The following KCMF1 variants were observed in gnomAD, a reference collection of about 807,000 sequenced individuals.
KCMF1 encodes the protein E3 ubiquitin-protein ligase KCMF1.
Under a neutral mutation model 41.1 loss-of-function variants are expected in KCMF1, and 3 were observed. The observed-to-expected ratio is 0.07, with a 90% CI of 0.03 to 0.19. The LOEUF is 0.19. Among genes scored for constraint, KCMF1 ranks in the 10% least tolerant of loss-of-function variants. KCMF1 has a pLI of 1.00. For missense variants in KCMF1, 286 were observed against 488.9 expected, an observed-to-expected ratio of 0.58 and a Z score of 3.91; for synonymous variants, 142 against 164.5, an observed-to-expected ratio of 0.86 and a Z score of 1.04.
intron 1 of KCMF1, among the ~76,000 whole-genome samples, chr2:84,992,534 CT>C (rs1221353256): frequency 6.6e-6 from 1 of 152,160 alleles, no homozygotes; most frequent in African/African-American, 2.4e-5. Flanking sequence ...TAGTAACCAT[CT>C]TCATTTTCTT....
rs1675969605 is a variant in KCMF1 at position 85,057,770 on chromosome 2, A to T, written c.*4361A>T. 1 of 152,196 alleles carries T rather than the reference A, an allele frequency of 6.6e-6. No individual in the cohort carries two copies. The highest frequency in any genetic ancestry group is 2.1e-4 in the South Asian group (1 of 4,832). 9.4% of individuals were successfully genotyped at this position (152,196 alleles called of 1,614,324 possible). A position where few individuals can be genotyped will look rare whatever the true frequency, so the allele number is the denominator to read the frequency against. On this transcript the variant is annotated 3_prime_UTR_variant, in exon 7 of 7. Coordinates refer to ENST00000409785, the MANE Select transcript of KCMF1 (RefSeq NM_020122.5). The stretch of plus-strand genomic sequence containing the variant: ...TGCAGCAGACCTCGAATAAAATGTG[A>T]CTTGATGTTTGTTGCCACTTCCTCA...
intron 3 of KCMF1, among the ~76,000 whole-genome samples, chr2:85,038,688 T>C (rs1316125881): frequency 6.6e-6 from 1 of 152,162 alleles, no homozygotes; most frequent in Non-Finnish European, 1.5e-5. Flanking sequence ...GCTTTAAATT[T>C]AGATGGCTCT....
intron 1 of KCMF1, among the ~76,000 whole-genome samples, chr2:85,002,062 A>G (rs371950782): frequency 1.3e-5 from 2 of 152,200 alleles, no homozygotes; most frequent in African/African-American, 2.4e-5. Context: ...TGACCTAACC[A>G]TGGTAGGCTT....
intron 3 of KCMF1, among the ~76,000 whole-genome samples, chr2:85,038,948 G>A (rs1675463549): frequency 6.6e-6 from 1 of 152,196 alleles, no homozygotes; most frequent in South Asian, 2.1e-4. Context: ...TCAAACTCTT[G>A]TCTGCAAGTG....
At chr2:84,999,300 G>A (rs1331263116) in intron 1 of KCMF1, among the ~76,000 whole-genome samples, 1 of 151,826 alleles carries the variant, frequency 6.6e-6, no homozygotes, top group Non-Finnish European at 1.5e-5. Context: ...ACAGGTGCCC[G>A]CCAACACACC....
chr2:85,019,780 A>G (rs559653299), intron 1 of KCMF1, among the ~76,000 whole-genome samples: 5 of 151,900 alleles, frequency 3.3e-5, no homozygotes, highest in South Asian at 2.1e-4. Context: ...ATATACGTGT[A>G]TATATATACG....
At chr2:85,004,588 G>A (rs1674419606) in intron 1 of KCMF1, among the ~76,000 whole-genome samples, 2 of 152,084 alleles carry the variant, frequency 1.3e-5, no homozygotes, top group African/African-American at 2.4e-5. Flanking sequence ...TGACCTGTGG[G>A]TGGTGCCTAA....
chr2:85,022,454 A>T (rs1416345694), intron 1 of KCMF1, among the ~76,000 whole-genome samples: 1 of 152,182 alleles, frequency 6.6e-6, no homozygotes, highest in Non-Finnish European at 1.5e-5. Context: ...AGCCAGGGTG[A>T]CAGTGAGACC....
intron 2 of KCMF1, among the ~76,000 whole-genome samples, chr2:85,030,244 T>C (rs913760043): frequency 1.3e-5 from 2 of 152,236 alleles, no homozygotes; most frequent in Non-Finnish European, 2.9e-5. Flanking sequence ...TAAGTTTTTT[T>C]ATCTGATAGA....
At chr2:84,994,052 A>G (rs577911642) in intron 1 of KCMF1, among the ~76,000 whole-genome samples, 1 of 151,836 alleles carries the variant, frequency 6.6e-6, no homozygotes, top group South Asian at 2.1e-4. Context: ...GGTTCACGCC[A>G]TTCTCCTGTC....
chr2:84,998,793 G>A (rs1436210351), intron 1 of KCMF1, among the ~76,000 whole-genome samples: 4 of 147,148 alleles, frequency 2.7e-5, no homozygotes, highest in Admixed American at 6.8e-5. Flanking sequence ...TGTATTTTTA[G>A]TAGAGACAGG....
At chr2:85,045,506 T>C (rs190589386) in intron 4 of KCMF1, among the ~76,000 whole-genome samples, 1 of 152,290 alleles carries the variant, frequency 6.6e-6, no homozygotes, top group Non-Finnish European at 1.5e-5. Context: ...AAATCTCTTC[T>C]ATATGATCTG....
rs77419921 is a variant in KCMF1 at position 84,984,504 on chromosome 2, A to T, written c.16+13037A>T. 3.4e-3 allele frequency among the ~76,000 whole-genome samples: 518 copies of T among 151,488 alleles called. 27 individuals carry two copies. In the East Asian group the frequency reaches 0.095, roughly 28 times the overall value. On this transcript the variant is annotated intron_variant, in intron 1 of 6. Transcript: ENST00000409785. ...ATACTGGTTTCATGACCTTTTATTTATTTTTTTCTTTTATATTTAAAGAAG... is the reference window on the plus strand; with the variant it reads ...ATACTGGTTTCATGACCTTTTATTTTTTTTTTTCTTTTATATTTAAAGAAG...
At chr2:85,009,712 C>T (rs1401465119) in intron 1 of KCMF1, among the ~76,000 whole-genome samples, 1 of 152,038 alleles carries the variant, frequency 6.6e-6, no homozygotes, top group African/African-American at 2.4e-5. Context: ...TACTTAATCC[C>T]TCTGTTTTCA....
In KCMF1 at chr2:85,056,557, T is replaced by TC. The variant is rs2104077624; in HGVS notation, c.*3149dup. The TC allele has an allele frequency of 6.6e-6, 1 of 152,288 alleles. No homozygotes were observed. Among genetic ancestry groups the TC allele is most frequent in the Non-Finnish European group, 1.5e-5 (1 of 68,024 alleles). 9.4% of individuals were successfully genotyped at this position (152,288 alleles called of 1,614,324 possible). Reference sequence around the variant, plus strand: ...AGCACATATATCAATAGTTCATAGCTCTAGTTAAGGACAAAGTGGGTTGGG... The same window carrying TC: ...AGCACATATATCAATAGTTCATAGCTCCTAGTTAAGGACAAAGTGGGTTGGG... On this transcript the variant is annotated 3_prime_UTR_variant, in exon 7 of 7. Coordinates refer to ENST00000409785, the MANE Select transcript of KCMF1 (RefSeq NM_020122.5).
intron 1 of KCMF1, among the ~76,000 whole-genome samples, chr2:85,018,162 G>T (rs1674830136): frequency 6.6e-6 from 1 of 152,046 alleles, no homozygotes; most frequent in Non-Finnish European, 1.5e-5. Flanking sequence ...TTGGATGGGG[G>T]ATTACAAATA....
At chr2:85,031,675 A>T (rs531289846) in intron 2 of KCMF1, among the ~76,000 whole-genome samples, 1 of 152,216 alleles carries the variant, frequency 6.6e-6, no homozygotes, top group Non-Finnish European at 1.5e-5. Flanking sequence ...GTTTATTAGG[A>T]TATAACCCCA....
At chr2:85,028,576 A>AC (rs1263206178) in intron 2 of KCMF1, among the ~76,000 whole-genome samples, 1 of 121,500 alleles carries the variant, frequency 8.2e-6, no homozygotes, top group Admixed American at 1.2e-4. Context: ...TGCAACCTCC[A>AC]CCCCCCAGGT....
chr2:84,998,419 G>A (rs188327243), intron 1 of KCMF1, among the ~76,000 whole-genome samples: 573 of 152,076 alleles, frequency 3.8e-3, no homozygotes, highest in African/African-American at 0.013. Flanking sequence ...ATAGCACCCA[G>A]AAAACACATA....
Sources: allele counts gnomAD v4.1 joint callset (sites outside exome capture counted in the v4.1 genomes callset), GRCh38; gene constraint gnomAD v4.1.1; transcripts MANE v1.5; gene names NCBI Gene and HGNC (gene_info 2026-07-23, HGNC 2026-07-21).